XPNPEP1: variants seen among roughly 807,000 people sequenced by gnomAD.
XPNPEP1 encodes the protein xaa-Pro aminopeptidase 1.
XPNPEP1 carries 39 observed loss-of-function variants against 92.4 expected under a neutral mutation model. The observed-to-expected ratio is 0.42, with a 90% CI of 0.33 to 0.55. The LOEUF (loss-of-function observed/expected upper bound fraction) is 0.55, where lower values mean the gene tolerates loss of function less well. Among genes scored for constraint, XPNPEP1 ranks in the 20% least tolerant of loss-of-function variants. The pLI, the probability that XPNPEP1 is intolerant of heterozygous loss-of-function variation, is 0.08. For missense variants in XPNPEP1, 654 were observed against 856.1 expected, an observed-to-expected ratio of 0.76 and a Z score of 2.95; for synonymous variants, 307 against 299.4, an observed-to-expected ratio of 1.03 and a Z score of -0.26.
intron 8 of XPNPEP1, 150 bp downstream of exon 8, chr10:109,886,096 T>C (rs1037258864): frequency 2.5e-5 from 18 of 718,820 alleles, no homozygotes; most frequent in Non-Finnish European, 4.2e-5. Context: ...TCCTTCATCC[T>C]AGTTGGCATC....
At chr10:109,905,933 T>C (rs1388494920) in intron 3 of XPNPEP1, among the ~76,000 whole-genome samples, 2 of 152,226 alleles carry the variant, frequency 1.3e-5, no homozygotes, top group African/African-American at 4.8e-5. Flanking sequence ...GCCCTTCATT[T>C]GCTCCTAAGG....
intron 2 of XPNPEP1, 34 bp from the exon 3 acceptor site, chr10:109,907,849 C>T (rs749291221): frequency 6.2e-7 from 1 of 1,612,100 alleles, no homozygotes; most frequent in South Asian, 1.1e-5. Context: ...TCAAAACCAG[C>T]CTGCCCCCAG....
At chr10:109,878,168 A>C (rs1847887716) in intron 12 of XPNPEP1, 110 bp from the exon 13 acceptor site, 1 of 1,215,666 alleles carries the variant, frequency 8.2e-7, no homozygotes. Context: ...GCTTCATCCC[A>C]ACTGACCAAT....
At chr10:109,913,561 A>G (rs1295169663) in intron 2 of XPNPEP1, among the ~76,000 whole-genome samples, 1 of 152,218 alleles carries the variant, frequency 6.6e-6, no homozygotes, top group African/African-American at 2.4e-5. Context: ...CAATCCTCCA[A>G]GGGAGGTTTC....
chr10:109,914,656 C>T (rs1850076307), intron 2 of XPNPEP1, among the ~76,000 whole-genome samples: 2 of 151,938 alleles, frequency 1.3e-5, no homozygotes, highest in African/African-American at 2.4e-5. Context: ...ATTAGCTGGG[C>T]GTGGTGTCGG....
At position 109,884,167 on chromosome 10, in the gene XPNPEP1, T is replaced by C. The variant is rs1848260765; in HGVS notation, c.749-19A>G. ...AATAGCCCTAGAAAAGAAATCAAAA[T>C]CCCTGTCACCTGTCTGACTTAAGAT... On this transcript the variant is annotated intron_variant, in intron 8 of 20. Coordinates refer to ENST00000502935, the MANE Select transcript of XPNPEP1 (RefSeq NM_020383.4). 5.0e-6 allele frequency: 8 copies of C among 1,611,894 alleles called. No homozygotes were observed. The highest frequency in any genetic ancestry group is 4.5e-5 in the East Asian group (2 of 44,730).
chr10:109,870,692 C>G, intron 18 of XPNPEP1, 39 bp downstream of exon 18: 1 of 1,574,478 alleles, frequency 6.4e-7, no homozygotes, highest in South Asian at 1.2e-5. Context: ...CAAAAAGGCT[C>G]AAGGATCCAC....
At chr10:109,870,114 C>A in intron 18 of XPNPEP1, 85 bp from the exon 19 acceptor site, 2 of 1,432,580 alleles carry the variant, frequency 1.4e-6, no homozygotes, top group South Asian at 2.5e-5. Flanking sequence ...TGGATGACTG[C>A]CCTACTCCAA....
intron 7 of XPNPEP1, 25 bp downstream of exon 7, chr10:109,888,024 G>C (rs967267569): frequency 5.6e-6 from 9 of 1,611,654 alleles, no homozygotes; most frequent in East Asian, 2.2e-5. Flanking sequence ...CAGGGGCCCT[G>C]CTGGGCAGAA....
intron 7 of XPNPEP1, among the ~76,000 whole-genome samples, chr10:109,886,618 A>C (rs1192112429): frequency 6.6e-6 from 1 of 152,226 alleles, no homozygotes; most frequent in Non-Finnish European, 1.5e-5. Flanking sequence ...GATACGTGCC[A>C]GGCACTCTGC....
At chr10:109,919,133 A>T (rs1427515738) in intron 1 of XPNPEP1, among the ~76,000 whole-genome samples, 5 of 152,236 alleles carry the variant, frequency 3.3e-5, no homozygotes, top group African/African-American at 1.2e-4. Flanking sequence ...AAGAAAAAAG[A>T]GATACACTGG....
chr10:109,919,499 G>GA (rs1257174078), intron 1 of XPNPEP1, among the ~76,000 whole-genome samples: 1 of 152,154 alleles, frequency 6.6e-6, no homozygotes, highest in African/African-American at 2.4e-5. Context: ...TGAGGGTATA[G>GA]AAAAAATTAG....
At chr10:109,898,787 G>A (rs1849119669) in intron 3 of XPNPEP1, among the ~76,000 whole-genome samples, 1 of 152,224 alleles carries the variant, frequency 6.6e-6, no homozygotes, top group African/African-American at 2.4e-5. Flanking sequence ...TTGAAGAGAG[G>A]GTGGTGACAT....
chr10:109,879,407 T>C (rs1020239841), intron 12 of XPNPEP1, among the ~76,000 whole-genome samples: 4 of 151,428 alleles, frequency 2.6e-5, no homozygotes, highest in Admixed American at 6.6e-5. Flanking sequence ...CCATCTCTAC[T>C]ACAACTACGA....
Position 109,865,061 on chromosome 10 carries a change from A to G in XPNPEP1, c.*123T>C. The G allele has an allele frequency of 1.5e-6, 2 of 1,362,910 alleles. No homozygotes were observed. Among genetic ancestry groups the G allele is most frequent in the Admixed American group, 2.1e-5 (1 of 47,828 alleles). 84.4% of individuals were successfully genotyped at this position (1,362,910 alleles called of 1,614,324 possible). ...GATAAGAAGATTTTCTGTTCTTCTT[A>G]AAGTCTAAAGTAAAAAGGGGAGGTA... is the stretch of plus-strand genomic sequence containing the variant. On this transcript the variant is annotated 3_prime_UTR_variant, in exon 21 of 21. Transcript: ENST00000502935.
intron 6 of XPNPEP1, 66 bp downstream of exon 6, chr10:109,888,437 A>G: frequency 6.8e-7 from 1 of 1,463,154 alleles, no homozygotes; most frequent in South Asian, 1.3e-5. Flanking sequence ...CAAGCAAATG[A>G]GGAGAATGGA....
intron 1 of XPNPEP1, 149 bp downstream of exon 1, chr10:109,923,252 TC>T (rs1850657924): frequency 1.7e-6 from 2 of 1,179,208 alleles, no homozygotes; most frequent in African/African-American, 3.2e-5. Flanking sequence ...CGGCTCCTGT[TC>T]CGGGGCTCCG....
chr10:109,866,120 G>A (rs900212887), intron 20 of XPNPEP1, among the ~76,000 whole-genome samples: 3 of 152,224 alleles, frequency 2.0e-5, no homozygotes, highest in Non-Finnish European at 4.4e-5. Flanking sequence ...CTGTCTGGAA[G>A]CTGATGAGAC....
rs1847229400 is a variant in XPNPEP1, at chr10:109,867,931, A to T, written c.1872+683T>A. Among the ~76,000 whole-genome samples the T allele has an allele frequency of 6.6e-6, 1 of 152,134 alleles. No individual in the cohort carries two copies. On this transcript the variant is annotated intron_variant, in intron 20 of 20. Coordinates refer to ENST00000502935, the MANE Select transcript of XPNPEP1 (RefSeq NM_020383.4). The surrounding 1 kb of genome is among the most constrained non-coding windows in gnomAD (Gnocchi z 4.5). The stretch of plus-strand genomic sequence containing the variant: ...GACCCTTGTTTCTGCTCTGACCTTG[A>T]ACATCTGTGTGATTCTTCAGGCCTT...
Sources: gnomAD v4.1 joint callset for allele counts (sites outside exome capture counted in the v4.1 genomes callset) on GRCh38, gnomAD v4.1.1 for gene constraint, Gnocchi (gnomAD v3.1) non-coding constraint, MANE v1.5 for transcripts, NCBI Gene and HGNC (gene_info 2026-07-23, HGNC 2026-07-21) for gene names.